SOX6: variants seen among roughly 807,000 people sequenced by gnomAD.
SOX6 encodes the protein SRY-box transcription factor 6, also known as transcription factor SOX-6.
SOX6 carries 11 observed loss-of-function variants against 97.8 expected under a neutral mutation model. The observed-to-expected ratio is 0.11, with a 90% CI of 0.07 to 0.19. The LOEUF is 0.19. SOX6 is among the 10% of genes least tolerant of loss of function. The probability of loss-of-function intolerance (pLI) is 1.00; values close to 1 mark genes in which losing one functional copy is unlikely to be tolerated. For synonymous variants in SOX6, 360 were observed against 371.4 expected (o/e 0.97, Z 0.35); for missense variants, 810 against 1,039.5 (o/e 0.78, Z 3.04).
At chr11:16,483,969 G>C (rs1860389540) in intron 4 of SOX6, 13 of 857,780 alleles carry the variant, frequency 1.5e-5, no homozygotes, top group Non-Finnish European at 2.0e-6. Context: ...TATTGTGCTT[G>C]GCTGTGATCA....
chr11:16,041,790 T>C (rs1456853092), intron 12 of SOX6, among the ~76,000 whole-genome samples: 1 of 152,210 alleles, frequency 6.6e-6, no homozygotes, highest in African/African-American at 2.4e-5. Flanking sequence ...AGCTAGTTTA[T>C]ACAAGTTACT....
chr11:16,248,169 T>C lies in SOX6; in HGVS notation c.446-13498A>G, dbSNP rs569536979. The stretch of plus-strand genomic sequence containing the variant: ...ATACAAAAGGTGGGCTTCCATGGCC[T>C]TGGACAACTCTGCCTCTGTGGCTTT... On this transcript the variant is annotated intron_variant, in intron 3 of 15. Transcript: ENST00000683767. Among the ~76,000 whole-genome samples the C allele has an allele frequency of 3.9e-4, 59 of 152,332 alleles. No homozygotes were observed. The East Asian group carries it at 0.011, about 27-fold the overall frequency.
chr11:16,218,736 A>T (rs908341942), intron 4 of SOX6, among the ~76,000 whole-genome samples: 1 of 152,136 alleles, frequency 6.6e-6, no homozygotes, highest in African/African-American at 2.4e-5. Flanking sequence ...TTATTAAAAC[A>T]TGTATAAAAA....
chr11:16,384,452 GA>G (rs1351252652), intron 1 of SOX6, among the ~76,000 whole-genome samples: 1 of 151,700 alleles, frequency 6.6e-6, no homozygotes, highest in African/African-American at 2.4e-5. Context: ...ACGTGAAAAA[GA>G]AAAAATGCTA....
chr11:16,014,920 G>C (rs1270014135), intron 13 of SOX6, 22 bp downstream of exon 13: 2 of 1,599,978 alleles, frequency 1.3e-6, no homozygotes, highest in African/African-American at 2.7e-5. Flanking sequence ...CAGCAGAAAA[G>C]AACTAGAGAA....
At chr11:16,076,084 TC>T (rs1237003660) in intron 9 of SOX6, among the ~76,000 whole-genome samples, 2 of 152,000 alleles carry the variant, frequency 1.3e-5, no homozygotes, top group African/African-American at 4.8e-5. Flanking sequence ...CTGGACCCCT[TC>T]CTTACACCAT....
intron 4 of SOX6, among the ~76,000 whole-genome samples, chr11:16,592,486 A>G (rs1445275570): frequency 6.6e-6 from 1 of 151,896 alleles, no homozygotes; most frequent in African/African-American, 2.4e-5. Flanking sequence ...TACTTTTAAG[A>G]TGCACTAGTA....
intron 1 of SOX6, among the ~76,000 whole-genome samples, chr11:16,414,313 A>G (rs1236446326): frequency 6.6e-6 from 1 of 152,238 alleles, no homozygotes; most frequent in East Asian, 1.9e-4. Flanking sequence ...TCATCTGCAA[A>G]TTCAAGAAAC....
chr11:16,042,824 T>G (rs1855708475), intron 12 of SOX6, among the ~76,000 whole-genome samples: 1 of 152,158 alleles, frequency 6.6e-6, no homozygotes, highest in Non-Finnish European at 1.5e-5. Flanking sequence ...TTTTCTCAAG[T>G]GATTCCCAGA....
chr11:16,010,043 T>A, intron 13 of SOX6, among the ~76,000 whole-genome samples: 1 of 151,442 alleles, frequency 6.6e-6, no homozygotes, highest in East Asian at 2.0e-4. Flanking sequence ...TATTACAATC[T>A]CTGCTATTTG....
intron 1 of SOX6, among the ~76,000 whole-genome samples, chr11:16,459,886 A>G (rs569510794): frequency 5.3e-5 from 8 of 152,092 alleles, no homozygotes; most frequent in African/African-American, 1.4e-4. Flanking sequence ...ATGGAGGGGC[A>G]CGAACAAAAA....
chr11:16,651,201 A>C (rs184361750), intron 3 of SOX6, among the ~76,000 whole-genome samples: 17 of 152,216 alleles, frequency 1.1e-4, no homozygotes, highest in African/African-American at 2.2e-4. Context: ...TCAAAGAAAA[A>C]TCAGTACCAA....
rs142449650 is a variant in SOX6 at position 16,015,337 on chromosome 11, A to C, written c.1624-287T>G. On this transcript the variant is annotated intron_variant, in intron 12 of 15. Transcript: ENST00000683767. ...TCTGTCGGATTTGCTCCAGTAATCT[A>C]AAAACAACGCAATAGAGAGGGTTGA... The C allele has an allele frequency of 4.6e-4, 208 of 448,376 alleles. 1 individual carries two copies. Among genetic ancestry groups the C allele is most frequent in the African/African-American group, 3.9e-3 (195 of 50,458 alleles). 27.8% of individuals were successfully genotyped at this position (448,376 alleles called of 1,614,324 possible).
rs533318712 is a variant in SOX6 at position 16,526,510 on chromosome 11, C to T, written n.610-50122G>A. Among the ~76,000 whole-genome samples, 636 of 152,068 alleles carry T rather than the reference C, an allele frequency of 4.2e-3. 1 individual carries two copies. Among genetic ancestry groups the T allele is most frequent in the African/African-American group, 0.015 (610 of 41,450 alleles). On this transcript the variant is annotated intron_variant and non_coding_transcript_variant, in intron 4 of 5. Coordinates refer to the SOX6 transcript ENST00000524520. ...GGGTGGGGGGAGTGGGGAGGGATAG[C>T]ATTAGGAGATATACCTAATGCTAAA...
At position 16,469,308 on chromosome 11, in the gene SOX6, T is replaced by G. The variant is rs542000181; in HGVS notation, c.-5+7007A>C. ...TTCAGGGACTGGTCCAAAAAGTAAG[T>G]GCAGGAGTTTCATTAGACAACAAGC... On this transcript the variant is annotated intron_variant, in intron 1 of 15. Transcript: ENST00000396356. Among the ~76,000 whole-genome samples, 7 of 152,090 alleles carry G rather than the reference T, an allele frequency of 4.6e-5. No homozygotes were observed. The South Asian group carries it at 1.5e-3, about 32-fold the overall frequency.
chr11:15,975,639 C>T (rs1241770325), intron 15 of SOX6, among the ~76,000 whole-genome samples: 1 of 152,040 alleles, frequency 6.6e-6, no homozygotes, highest in African/African-American at 2.4e-5. Flanking sequence ...TTCTTGAATC[C>T]TCATAATAAG....
In SOX6 at chr11:16,652,227, C is replaced by T. The variant is rs12417130; in HGVS notation, n.430-39967G>A. ...ATTCAATGCAATTAGCATCAAAGTACCATCATTATTCTTCACAGAACTAGG... is the reference window on the plus strand; with the variant it reads ...ATTCAATGCAATTAGCATCAAAGTATCATCATTATTCTTCACAGAACTAGG... On this transcript the variant is annotated intron_variant and non_coding_transcript_variant, in intron 3 of 5. Transcript: ENST00000524520. Among the ~76,000 whole-genome samples the T allele has an allele frequency of 7.3e-3, 1,115 of 152,146 alleles. 6 individuals are homozygous for T. Among genetic ancestry groups the T allele is most frequent in the Middle Eastern group, 0.02 (6 of 294 alleles).
chr11:16,043,002 T>C (rs1855716189), intron 12 of SOX6, among the ~76,000 whole-genome samples: 1 of 152,044 alleles, frequency 6.6e-6, no homozygotes, highest in South Asian at 2.1e-4. Flanking sequence ...ATCAAGAAGG[T>C]CAGAGAGTTA....
intron 2 of SOX6, among the ~76,000 whole-genome samples, chr11:16,318,958 C>T (rs1188868639): frequency 2.0e-5 from 3 of 152,080 alleles, no homozygotes. Context: ...CATTTCAACC[C>T]CTTACTCATT....
Sources: gnomAD v4.1 joint callset for allele counts (sites outside exome capture counted in the v4.1 genomes callset) on GRCh38, gnomAD v4.1.1 for gene constraint, MANE v1.5 for transcripts, NCBI Gene and HGNC (gene_info 2026-07-23, HGNC 2026-07-21) for gene names.